Variants in CTNNA2 observed in about 807,000 individuals in gnomAD.
The protein encoded by CTNNA2 is catenin alpha 2.
A neutral mutation model predicts 101.0 loss-of-function variants in CTNNA2; 42 were observed. The ratio of observed to expected loss-of-function variants is 0.42; its 90% CI spans 0.32 to 0.54. CTNNA2 has a LOEUF of 0.54. Among genes scored for constraint, CTNNA2 ranks in the 20% least tolerant of loss-of-function variants. CTNNA2 has a pLI of 0.14. For missense variants in CTNNA2, 871 were observed against 1,223.1 expected (o/e 0.71, Z 4.29); for synonymous variants, 450 against 456.4 (o/e 0.99, Z 0.18).
rs145584853 is a variant in CTNNA2, at chr2:79,814,638, C to CACACACACACACACACATAT, written c.299-43374_299-43373insCACACACACACACACATATA. ...ACACACACACACACACACACACACACATATATATATATATCACAGTTTCTT... is the reference window on the plus strand; with the variant it reads ...ACACACACACACACACACACACACACACACACACACACACACATATATATATATATATATCACAGTTTCTT... On this transcript the variant is annotated intron_variant, in intron 3 of 18. Coordinates refer to ENST00000402739, the MANE Select transcript of CTNNA2 (RefSeq NM_001282597.3). Among the ~76,000 whole-genome samples the CACACACACACACACACATAT allele has an allele frequency of 1.0e-3, 147 of 147,048 alleles. 1 individual carries two copies. The highest frequency in any genetic ancestry group is 3.5e-3 in the Middle Eastern group (1 of 284).
At chr2:80,245,323 G>T (rs1033337076) in intron 7 of CTNNA2, among the ~76,000 whole-genome samples, 12 of 152,140 alleles carry the variant, frequency 7.9e-5, no homozygotes, top group African/African-American at 2.9e-4. Context: ...CTAATCATTT[G>T]TTTTACTAGC....
intron 7 of CTNNA2, among the ~76,000 whole-genome samples, chr2:79,968,505 C>T (rs1354068824): frequency 6.6e-6 from 1 of 152,024 alleles, no homozygotes; most frequent in African/African-American, 2.4e-5. Flanking sequence ...CAATAGTCTC[C>T]GTGGTCCATT....
chr2:80,410,681 A>G (rs372560195), intron 8 of CTNNA2, among the ~76,000 whole-genome samples: 3 of 152,290 alleles, frequency 2.0e-5, no homozygotes, highest in African/African-American at 7.2e-5. Flanking sequence ...GAGGAATTAC[A>G]TTGCCTGTTT....
At chr2:79,378,816 T>C (rs757344138) in intron 4 of CTNNA2, among the ~76,000 whole-genome samples, 7 of 152,126 alleles carry the variant, frequency 4.6e-5, no homozygotes, top group Non-Finnish European at 5.9e-5. Flanking sequence ...CCTTTTTTCT[T>C]GGTATTAAGT....
intron 7 of CTNNA2, among the ~76,000 whole-genome samples, chr2:80,254,039 G>C (rs1671958182): frequency 6.6e-6 from 1 of 152,072 alleles, no homozygotes; most frequent in Non-Finnish European, 1.5e-5. Flanking sequence ...AGCCAAACAT[G>C]CTTGCCAGTT....
intron 7 of CTNNA2, among the ~76,000 whole-genome samples, chr2:80,205,589 A>ATGGATTTATT: frequency 6.6e-6 from 1 of 152,246 alleles, no homozygotes; most frequent in South Asian, 2.1e-4. Flanking sequence ...ATATATTTCA[A>ATGGATTTATT]TCAGCAAATG....
intron 7 of CTNNA2, among the ~76,000 whole-genome samples, chr2:80,326,563 A>C (rs994930947): frequency 1.3e-5 from 2 of 152,090 alleles, no homozygotes; most frequent in Non-Finnish European, 2.9e-5. Context: ...AATGGAATCA[A>C]CTCCATTAGC....
At chr2:79,265,310 G>T (rs1054077277) in intron 2 of CTNNA2, among the ~76,000 whole-genome samples, 1 of 152,160 alleles carries the variant, frequency 6.6e-6, no homozygotes, top group African/African-American at 2.4e-5. Flanking sequence ...CTACCCTTGA[G>T]CTGAACAGGA....
intron 7 of CTNNA2, among the ~76,000 whole-genome samples, chr2:80,376,330 A>G (rs1303085652): frequency 6.6e-6 from 1 of 152,162 alleles, no homozygotes; most frequent in African/African-American, 2.4e-5. Context: ...ACAGCTGTCT[A>G]TTTTCTAGAA....
intron 7 of CTNNA2, among the ~76,000 whole-genome samples, chr2:80,214,653 G>C (rs1374423901): frequency 1.3e-5 from 2 of 152,026 alleles, no homozygotes; most frequent in African/African-American, 4.8e-5. Flanking sequence ...GCTTCTCTTT[G>C]TGGGTAACCC....
intron 4 of CTNNA2, among the ~76,000 whole-genome samples, chr2:79,467,955 A>G (rs1210346280): frequency 6.6e-6 from 1 of 152,326 alleles, no homozygotes; most frequent in Non-Finnish European, 1.5e-5. Context: ...CAATGCTAAG[A>G]AGAAACTGCA....
At chr2:80,423,673 A>G (rs1365836512) in intron 9 of CTNNA2, among the ~76,000 whole-genome samples, 2 of 152,284 alleles carry the variant, frequency 1.3e-5, no homozygotes, top group Middle Eastern at 3.4e-3. Context: ...ACCCACCAAG[A>G]GGGTCCAGAC....
chr2:80,407,836 A>T (rs1359318726), intron 8 of CTNNA2, among the ~76,000 whole-genome samples: 1 of 152,206 alleles, frequency 6.6e-6, no homozygotes, highest in Non-Finnish European at 1.5e-5. Context: ...AAGGCTGTGC[A>T]ATAGTTAAAG....
At chr2:80,291,261 T>C (rs911696014) in intron 7 of CTNNA2, among the ~76,000 whole-genome samples, 2 of 152,228 alleles carry the variant, frequency 1.3e-5, no homozygotes, top group Admixed American at 1.3e-4. Context: ...CATAGAAAGT[T>C]ACTCTTACTT....
intron 2 of CTNNA2, among the ~76,000 whole-genome samples, chr2:79,282,097 T>G (rs538480762): frequency 1.8e-4 from 27 of 152,188 alleles, no homozygotes; most frequent in Non-Finnish European, 3.8e-4. Flanking sequence ...ACATGATTAC[T>G]TTAATTGAGA....
intron 9 of CTNNA2, among the ~76,000 whole-genome samples, chr2:80,542,835 A>G (rs1308254765): frequency 6.6e-6 from 1 of 151,702 alleles, no homozygotes; most frequent in South Asian, 2.1e-4. Context: ...AGAACTTTAA[A>G]TACATATATC....
intron 7 of CTNNA2, among the ~76,000 whole-genome samples, chr2:79,997,935 T>A (rs1004103507): frequency 2.0e-5 from 3 of 152,146 alleles, no homozygotes; most frequent in Non-Finnish European, 4.4e-5. Context: ...CTTTCCTGCT[T>A]AGAAAGAGAA....
In CTNNA2 at chr2:79,330,939, G is replaced by A. The variant is rs1355171986; in HGVS notation, c.-318+18143G>A. On this transcript the variant is annotated intron_variant, in intron 3 of 21. Transcript: ENST00000466387. Reference sequence around the variant, plus strand: ...TGAGCTAAACAATTATGGAGCCATGGGCTCATTCATCTGGAGGGGGAATTA... The same window carrying A: ...TGAGCTAAACAATTATGGAGCCATGAGCTCATTCATCTGGAGGGGGAATTA... Among the ~76,000 whole-genome samples the A allele has an allele frequency of 3.3e-5, 5 of 152,128 alleles. No homozygotes were observed. The East Asian group carries it at 5.8e-4, about 18-fold the overall frequency.
chr2:80,133,128 C>A (rs768472890), intron 7 of CTNNA2, among the ~76,000 whole-genome samples: 10 of 152,066 alleles, frequency 6.6e-5, no homozygotes, highest in African/African-American at 2.2e-4. Flanking sequence ...ACAAGGAGGA[C>A]GCCATGTGAA....
Sources: allele counts gnomAD v4.1 joint callset (sites outside exome capture counted in the v4.1 genomes callset), GRCh38; gene constraint gnomAD v4.1.1; transcripts MANE v1.5; gene names NCBI Gene and HGNC (gene_info 2026-07-23, HGNC 2026-07-21).